PROM1: variants seen among roughly 807,000 people sequenced by gnomAD.
The protein encoded by PROM1 is prominin 1, also known as prominin-1.
In PROM1, 105 loss-of-function variants were observed where a neutral mutation model predicts 116.9. That is an observed-to-expected ratio of 0.90 (90% CI 0.77 to 1.06). The LOEUF is 1.06. Ranked by LOEUF, PROM1 falls within the 50% of genes least tolerant of loss-of-function variation. The pLI, the probability that PROM1 is intolerant of heterozygous loss-of-function variation, is 0.00. For missense variants in PROM1, 1,122 were observed against 1,045.2 expected, an observed-to-expected ratio of 1.07 and a Z score of -1.01; for synonymous variants, 393 against 387.0, an observed-to-expected ratio of 1.02 and a Z score of -0.18.
intron 2 of PROM1, among the ~76,000 whole-genome samples, chr4:16,055,740 T>C (rs1258884875): frequency 2.0e-5 from 3 of 152,234 alleles, no homozygotes; most frequent in Non-Finnish European, 4.4e-5. Context: ...TGCAATGTCA[T>C]AGCCTTTACA....
chr4:16,009,957 A>G (rs917652366), intron 11 of PROM1, among the ~76,000 whole-genome samples: 26 of 138,660 alleles, frequency 1.9e-4, no homozygotes, highest in African/African-American at 6.4e-4. Flanking sequence ...AAAAAAAAAA[A>G]GTCTTCAGGA....
At position 16,069,552 on chromosome 4, in the gene PROM1, T is replaced by C. The variant is rs113880130; in HGVS notation, c.220+6135A>G. Among the ~76,000 whole-genome samples the C allele has an allele frequency of 3.2e-3, 493 of 152,364 alleles. 2 individuals are homozygous for C. The highest frequency in any genetic ancestry group is 8.2e-3 in the African/African-American group (342 of 41,584). ...ATACACACAAGGCAGCTGTGTTTTA[T>C]AGGAGATAAAACTAGTCCTAGAGAT... On this transcript the variant is annotated intron_variant, in intron 2 of 27. Transcript: ENST00000447510.
chr4:16,044,749 T>A (rs1578190903), intron 2 of PROM1, among the ~76,000 whole-genome samples: 3 of 152,328 alleles, frequency 2.0e-5, no homozygotes, highest in South Asian at 4.2e-4. Flanking sequence ...ACTATAATTG[T>A]TTCTTTCCAG....
intron 12 of PROM1, among the ~76,000 whole-genome samples, 168 bp from the exon 13 acceptor site, chr4:16,006,858 AC>A (rs767747358): frequency 2.6e-5 from 4 of 152,116 alleles, no homozygotes; most frequent in Non-Finnish European, 5.9e-5. Flanking sequence ...ATCCCTTCAC[AC>A]CCTTTGCCTT....
intron 27 of PROM1, among the ~76,000 whole-genome samples, chr4:15,970,240 A>G (rs1714110332): frequency 1.4e-5 from 2 of 140,362 alleles, no homozygotes; most frequent in South Asian, 4.4e-4. Context: ...ATCTCGGCTC[A>G]CTGCAACCTC....
At chr4:16,064,413 C>T (rs1487216877) in intron 2 of PROM1, among the ~76,000 whole-genome samples, 1 of 152,102 alleles carries the variant, frequency 6.6e-6, no homozygotes, top group Non-Finnish European at 1.5e-5. Flanking sequence ...ATCTATACTA[C>T]GGAAAGTCAG....
chr4:16,067,684 T>C (rs1560609558), intron 2 of PROM1, among the ~76,000 whole-genome samples: 1 of 152,184 alleles, frequency 6.6e-6, no homozygotes, highest in Non-Finnish European at 1.5e-5. Flanking sequence ...GCTGGCTTTG[T>C]CTGAATTAAG....
chr4:16,017,189 T>A (rs899103159), intron 9 of PROM1, among the ~76,000 whole-genome samples: 1 of 152,190 alleles, frequency 6.6e-6, no homozygotes. Context: ...CATGTATATA[T>A]TAAATGATAT....
chr4:16,036,529 G>T (rs529473620), intron 3 of PROM1, among the ~76,000 whole-genome samples: 1 of 152,130 alleles, frequency 6.6e-6, no homozygotes, highest in Non-Finnish European at 1.5e-5. Context: ...GAAGGGGCAC[G>T]CAGGCTTGTT....
chr4:16,026,066 T>C (rs147502645), intron 5 of PROM1, among the ~76,000 whole-genome samples: 1 of 152,194 alleles, frequency 6.6e-6, no homozygotes, highest in Non-Finnish European at 1.5e-5. Context: ...CTTACGCATA[T>C]GTACTTGTGA....
chr4:16,080,933 G>A (rs965280039), intron 1 of PROM1, among the ~76,000 whole-genome samples: 19 of 152,218 alleles, frequency 1.2e-4, no homozygotes, highest in African/African-American at 4.6e-4. Flanking sequence ...CCCATCAGGG[G>A]TCCTGTGGCA....
Position 16,038,989 on chromosome 4 carries a change from T to C in PROM1, c.233A>G (p.Lys78Arg), listed in dbSNP as rs746861454. 1.3e-6 allele frequency: 2 copies of C among 1,501,190 alleles called. No individual in the cohort carries two copies. 93.0% of individuals were successfully genotyped at this position (1,501,190 alleles called of 1,614,324 possible). The change falls in exon 3 of 28, where the codon AAA (lysine) becomes AGA (arginine). Residue 78 changes from lysine to arginine, a missense_variant. Physicochemically the swap from Lys to Arg is conservative, Grantham distance 26 (BLOSUM62 2). Coordinates refer to ENST00000447510, the MANE Select transcript of PROM1 (RefSeq NM_006017.3). Reference protein sequence around the residue: ...PRDFPEDTLRKFLQKAYESKI... With the variant: ...PRDFPEDTLRRFLQKAYESKI... ...GGATTCATATGCCTTCTGTAAGAAT[T>C]TTCTCAAAGTATCTGGAAAAAAAGC... is the stretch of plus-strand genomic sequence containing the variant.
chr4:16,063,992 A>G (rs899020357), intron 2 of PROM1, among the ~76,000 whole-genome samples: 2 of 152,206 alleles, frequency 1.3e-5, no homozygotes, highest in South Asian at 4.1e-4. Flanking sequence ...ACTTTTATAC[A>G]TATTTGAAAT....
chr4:16,047,065 C>T (rs921690971), intron 2 of PROM1, among the ~76,000 whole-genome samples: 4 of 152,206 alleles, frequency 2.6e-5, no homozygotes, highest in Admixed American at 6.5e-5. Flanking sequence ...ATCTGTAGAA[C>T]AGGCTGGCAG....
chr4:16,017,894 A>G (rs894441540), intron 9 of PROM1, among the ~76,000 whole-genome samples: 1 of 152,212 alleles, frequency 6.6e-6, no homozygotes, highest in African/African-American at 2.4e-5. Flanking sequence ...TTTTACCTAT[A>G]TCTCAGAACT....
intron 1 of PROM1, among the ~76,000 whole-genome samples, chr4:16,081,921 A>C (rs921839090): frequency 3.6e-4 from 27 of 75,684 alleles, no homozygotes; most frequent in Non-Finnish European, 6.0e-4. Context: ...GAAAAAAAAA[A>C]CAAGAATAAA....
At chr4:16,071,895 A>T (rs1742901968) in intron 2 of PROM1, among the ~76,000 whole-genome samples, 2 of 152,122 alleles carry the variant, frequency 1.3e-5, no homozygotes, top group Non-Finnish European at 2.9e-5. Context: ...CCTGTCCCTA[A>T]CTTCCTCTGA....
In PROM1 at chr4:16,035,615, T is replaced by C. The variant is rs1218894511; in HGVS notation, c.303+120A>G. ...AGATATCTTTCTTCAAAGAGAAGGTTAAAAGTGATGGTAAAAACAGAAATG... is the reference window on the plus strand; with the variant it reads ...AGATATCTTTCTTCAAAGAGAAGGTCAAAAGTGATGGTAAAAACAGAAATG... On this transcript the variant is annotated intron_variant, in intron 4 of 27. Transcript: ENST00000447510. 8 of 999,082 alleles carry C rather than the reference T, an allele frequency of 8.0e-6. No individual in the cohort carries two copies. In the East Asian group the frequency reaches 9.5e-5, roughly 12 times the overall value. The allele number at this position is 999,082 out of a possible 1,614,324, so 61.9% of individuals were successfully genotyped here.
intron 2 of PROM1, among the ~76,000 whole-genome samples, chr4:16,042,211 A>C (rs914142461): frequency 3.3e-5 from 5 of 152,234 alleles, no homozygotes; most frequent in Non-Finnish European, 7.3e-5. Flanking sequence ...TCAAGCAAAA[A>C]TCAGAATTTT....
Sources: allele counts gnomAD v4.1 joint callset (sites outside exome capture counted in the v4.1 genomes callset), GRCh38; gene constraint gnomAD v4.1.1; transcripts MANE v1.5; gene names NCBI Gene and HGNC (gene_info 2026-07-23, HGNC 2026-07-21).